MTUS2: variants seen among roughly 807,000 people sequenced by gnomAD.
The protein encoded by MTUS2 is microtubule associated scaffold protein 2, also known as microtubule-associated tumor suppressor candidate 2.
In MTUS2, 40 loss-of-function variants were observed where a neutral mutation model predicts 114.1. The ratio of observed to expected loss-of-function variants is 0.35; its 90% CI spans 0.27 to 0.46. The LOEUF (loss-of-function observed/expected upper bound fraction) is 0.46. Among genes scored for constraint, MTUS2 ranks in the 20% least tolerant of loss-of-function variants. The pLI, the probability that MTUS2 is intolerant of heterozygous loss-of-function variation, is 1.00. For missense variants in MTUS2, 1,679 were observed against 1,705.4 expected, an observed-to-expected ratio of 0.98 and a Z score of 0.27; for synonymous variants, 688 against 672.0, an observed-to-expected ratio of 1.02 and a Z score of -0.37.
At chr13:28,830,961 C>A (rs1467698641) in intron 1 of MTUS2, among the ~76,000 whole-genome samples, 1 of 152,052 alleles carries the variant, frequency 6.6e-6, no homozygotes, top group Non-Finnish European at 1.5e-5. Flanking sequence ...TAAGATGTCT[C>A]AGAAAAACAA....
chr13:28,887,957 A>G (rs1051982177), intron 2 of MTUS2, among the ~76,000 whole-genome samples: 9 of 152,058 alleles, frequency 5.9e-5, no homozygotes, highest in Non-Finnish European at 1.2e-4. Context: ...TGCCATTTCT[A>G]CTTTCCTTCA....
intron 7 of MTUS2, among the ~76,000 whole-genome samples, chr13:29,325,137 G>T (rs1900426416): frequency 6.6e-6 from 1 of 152,164 alleles, no homozygotes; most frequent in African/African-American, 2.4e-5. Flanking sequence ...ACATAAGGTT[G>T]CTTGAAAGTC....
At chr13:29,282,314 G>A (rs1040824028) in intron 6 of MTUS2, among the ~76,000 whole-genome samples, 1 of 152,218 alleles carries the variant, frequency 6.6e-6, no homozygotes, top group African/African-American at 2.4e-5. Flanking sequence ...CCAAAGCTAG[G>A]ATCCAGGGAT....
chr13:29,443,951 G>C (rs527877154), intron 9 of MTUS2, among the ~76,000 whole-genome samples: 2 of 152,316 alleles, frequency 1.3e-5, no homozygotes, highest in South Asian at 4.1e-4. Context: ...CAGAAAGTCA[G>C]AATAGTTAGA....
intron 6 of MTUS2, chr13:29,307,843 C>A (rs1593285719): frequency 1.5e-6 from 1 of 683,854 alleles, no homozygotes; most frequent in East Asian, 2.9e-5. Context: ...GCCTTCACTG[C>A]TGGGGGACAC....
chr13:28,921,185 C>G (rs959395386), intron 2 of MTUS2, among the ~76,000 whole-genome samples: 1 of 152,224 alleles, frequency 6.6e-6, no homozygotes, highest in Non-Finnish European at 1.5e-5. Context: ...TCTCAGAGCC[C>G]AAGGCCCATG....
chr13:29,202,538 T>G (rs1399437497), intron 5 of MTUS2, among the ~76,000 whole-genome samples: 1 of 152,184 alleles, frequency 6.6e-6, no homozygotes, highest in African/African-American at 2.4e-5. Context: ...CCATCCAGTT[T>G]TGTTCCCTTG....
At chr13:28,868,217 A>G (rs1236610226) in intron 2 of MTUS2, among the ~76,000 whole-genome samples, 1 of 152,218 alleles carries the variant, frequency 6.6e-6, no homozygotes, top group Non-Finnish European at 1.5e-5. Flanking sequence ...ACATCGTGAT[A>G]TAGTAATTCA....
intron 2 of MTUS2, among the ~76,000 whole-genome samples, chr13:28,889,190 C>T (rs1010585697): frequency 1.3e-5 from 2 of 152,028 alleles, no homozygotes; most frequent in African/African-American, 4.8e-5. Flanking sequence ...TTCACCTGCT[C>T]CTGGTTCTGT....
At chr13:29,224,415 CT>C (rs1000437823) in intron 5 of MTUS2, among the ~76,000 whole-genome samples, 21 of 150,686 alleles carry the variant, frequency 1.4e-4, no homozygotes, top group African/African-American at 4.4e-4. Flanking sequence ...TTTTTAATGT[CT>C]TTTTTTTTAT....
chr13:28,952,050 G>GA (rs1302241954), intron 2 of MTUS2, among the ~76,000 whole-genome samples: 1 of 151,600 alleles, frequency 6.6e-6, no homozygotes, highest in African/African-American at 2.4e-5. Flanking sequence ...GATGACCTTT[G>GA]AAAAAAAATT....
At chr13:29,047,734 C>T (rs964223391) in intron 4 of MTUS2, among the ~76,000 whole-genome samples, 3 of 152,042 alleles carry the variant, frequency 2.0e-5, no homozygotes, top group Non-Finnish European at 2.9e-5. Flanking sequence ...AGGATGGTCT[C>T]GATCTCCTGA....
At chr13:28,965,296 C>T (rs1003553607) in intron 2 of MTUS2, among the ~76,000 whole-genome samples, 1 of 152,172 alleles carries the variant, frequency 6.6e-6, no homozygotes, top group African/African-American at 2.4e-5. Context: ...GCCTCTAAGT[C>T]ACTTGTTTAA....
At chr13:29,487,619 GGGGATGGTCCA>G in intron 10 of MTUS2, 2 of 447,036 alleles carry the variant, frequency 4.5e-6, no homozygotes, top group South Asian at 5.3e-5. Context: ...GCAGTGGGAA[GGGGATGGTCCA>G]GGAGCCACAC....
chr13:29,198,627 G>A (rs562026057), intron 5 of MTUS2, among the ~76,000 whole-genome samples: 3 of 152,200 alleles, frequency 2.0e-5, no homozygotes, highest in East Asian at 1.9e-4. Flanking sequence ...TAGCTTGGTG[G>A]GGATAGCATT....
chr13:29,350,967 ATATATAT>A (rs1316601906), intron 7 of MTUS2, among the ~76,000 whole-genome samples: 708 of 24,580 alleles, frequency 0.029, 20 homozygotes, highest in African/African-American at 0.055. Context: ...TTTCATATAT[ATATATAT>A]ATATATATAT....
chr13:29,069,911 GTATA>G (rs1888835582), intron 4 of MTUS2, among the ~76,000 whole-genome samples: 1 of 152,104 alleles, frequency 6.6e-6, no homozygotes, highest in Non-Finnish European at 1.5e-5. Context: ...GTTTATCATT[GTATA>G]TGAGCTCCTA....
chr13:29,487,893 C>T lies in MTUS2; in HGVS notation c.3400-7C>T, dbSNP rs774047578. On this transcript the variant is annotated splice_polypyrimidine_tract_variant and splice_region_variant and intron_variant, in intron 10 of 15. Transcript: ENST00000612955. ...CTGTCTAACCAGTAACTGCGACTCTCCTCCAGGTGGAAGATCTCACCGCCA... is the reference window on the plus strand; with the variant it reads ...CTGTCTAACCAGTAACTGCGACTCTTCTCCAGGTGGAAGATCTCACCGCCA... 1.4e-5 allele frequency: 23 copies of T among 1,609,266 alleles called. No individual in the cohort carries two copies. In the South Asian group the frequency reaches 2.0e-4, roughly 14 times the overall value.
intron 5 of MTUS2, among the ~76,000 whole-genome samples, chr13:29,265,096 C>A (rs773913972): frequency 6.6e-6 from 1 of 152,176 alleles, no homozygotes; most frequent in Admixed American, 6.5e-5. Flanking sequence ...CCACATCTGG[C>A]AATAGGCTGT....
Sources: allele counts gnomAD v4.1 joint callset (sites outside exome capture counted in the v4.1 genomes callset), GRCh38; gene constraint gnomAD v4.1.1; transcripts MANE v1.5; gene names NCBI Gene and HGNC (gene_info 2026-07-23, HGNC 2026-07-21).